MYO3A: variants seen among roughly 807,000 people sequenced by gnomAD.
MYO3A encodes the protein myosin IIIA, also known as myosin-IIIa.
Under a neutral mutation model 192.7 loss-of-function variants are expected in MYO3A, and 180 were observed. That is an observed-to-expected ratio of 0.93 (90% CI 0.83 to 1.06). The LOEUF (loss-of-function observed/expected upper bound fraction) is 1.06. Among genes scored for constraint, MYO3A ranks in the 50% least tolerant of loss-of-function variants. The probability of loss-of-function intolerance (pLI) is 0.00; values close to 1 mark genes in which losing one functional copy is unlikely to be tolerated. For synonymous variants in MYO3A, 628 were observed against 645.3 expected (o/e 0.97, Z 0.41); for missense variants, 1,896 against 1,905.0 (o/e 1.00, Z 0.09).
At position 26,068,844 on chromosome 10, in the gene MYO3A, C is replaced by A; in HGVS notation, c.1130C>A (p.Ala377Asp). 1.3e-6 allele frequency: 2 copies of A among 1,599,026 alleles called. No homozygotes were observed. The highest frequency in any genetic ancestry group is 4.5e-5 in the East Asian group (2 of 44,748). ...IYVYVGDILI[A>D]LNPFQSLGLY... is the part of the protein sequence containing the mutation. ...GTCTATGTGGGAGACATACTCATTG[C>A]TCTTAACCCTTTTCAGAGTCTGGGT... Residue 377 changes from alanine (A) to aspartate (D), a missense_variant, in exon 12 of 35, where the codon GCT becomes GAT. Coordinates refer to ENST00000642920, the MANE Select transcript of MYO3A (RefSeq NM_017433.5).
intron 4 of MYO3A, among the ~76,000 whole-genome samples, chr10:25,962,455 T>G (rs1228464696): frequency 6.6e-6 from 1 of 152,152 alleles, no homozygotes; most frequent in Non-Finnish European, 1.5e-5. Context: ...TAATTTAGTT[T>G]TTTATAGAAC....
rs527723394 is a variant in MYO3A, at chr10:26,049,911, T to C, written c.954-17064T>C. Among the ~76,000 whole-genome samples, 6 of 152,062 alleles carry C rather than the reference T, an allele frequency of 3.9e-5. No homozygotes were observed. In the East Asian group the frequency reaches 9.7e-4, roughly 25 times the overall value. ...GGATGGTCTCGATCTCATGACCTCG[T>C]GATCCACCCACCTCAGCCTCCCAAA... On this transcript the variant is annotated intron_variant, in intron 10 of 34. Coordinates refer to ENST00000642920, the MANE Select transcript of MYO3A (RefSeq NM_017433.5).
At chr10:25,998,524 G>C (rs1045977353) in intron 6 of MYO3A, among the ~76,000 whole-genome samples, 4 of 152,084 alleles carry the variant, frequency 2.6e-5, no homozygotes, top group African/African-American at 2.4e-5. Flanking sequence ...TGAGCAATCT[G>C]TCTGGGTTAG....
intron 6 of MYO3A, among the ~76,000 whole-genome samples, chr10:26,011,543 G>A (rs1179967516): frequency 8.5e-5 from 13 of 152,082 alleles, no homozygotes; most frequent in Admixed American, 8.5e-4. Context: ...ATTCCTGTAA[G>A]CATACAACCC....
At chr10:26,180,507 A>G (rs1842570710) in intron 31 of MYO3A, among the ~76,000 whole-genome samples, 1 of 152,182 alleles carries the variant, frequency 6.6e-6, no homozygotes. Flanking sequence ...TTTCCAGTTA[A>G]TGCAATAAGA....
intron 4 of MYO3A, among the ~76,000 whole-genome samples, chr10:25,980,954 T>G (rs1234855926): frequency 1.3e-5 from 2 of 152,176 alleles, no homozygotes; most frequent in African/African-American, 2.4e-5. Context: ...CAGTATCGCA[T>G]AGAGTAGATT....
intron 26 of MYO3A, among the ~76,000 whole-genome samples, chr10:26,164,478 T>C (rs1475517735): frequency 6.6e-6 from 1 of 152,106 alleles, no homozygotes; most frequent in Admixed American, 6.5e-5. Context: ...AGTGATATAG[T>C]AGAGAAGCTT....
chr10:26,139,439 A>G (rs892206976), intron 20 of MYO3A, among the ~76,000 whole-genome samples: 3 of 152,080 alleles, frequency 2.0e-5, no homozygotes, highest in African/African-American at 4.8e-5. Context: ...GGGTTTCTCC[A>G]TGTTGGTCAG....
At position 26,121,732 on chromosome 10, in the gene MYO3A, C is replaced by T. The variant is rs531750957; in HGVS notation, c.1903+930C>T. Reference sequence around the variant, plus strand: ...TGCCACTGCACTCCAGCCTGGACGACGGAGCAAGACTCTGTCTCAAAACAC... The same window carrying T: ...TGCCACTGCACTCCAGCCTGGACGATGGAGCAAGACTCTGTCTCAAAACAC... On this transcript the variant is annotated intron_variant, in intron 18 of 34. Transcript: ENST00000642920. 1.4e-4 allele frequency among the ~76,000 whole-genome samples: 22 copies of T among 152,226 alleles called. No individual in the cohort carries two copies. The East Asian group carries it at 2.7e-3, about 19-fold the overall frequency.
chr10:25,938,672 A>G (rs946454428), intron 2 of MYO3A, among the ~76,000 whole-genome samples: 5 of 152,204 alleles, frequency 3.3e-5, no homozygotes, highest in Non-Finnish European at 5.9e-5. Context: ...AATATACATG[A>G]TGAATGTGTA....
chr10:26,176,293 C>CAAA (rs901523063), intron 30 of MYO3A, among the ~76,000 whole-genome samples: 85 of 93,420 alleles, frequency 9.1e-4, no homozygotes, highest in African/African-American at 3.2e-3. Flanking sequence ...GACTCCGTCT[C>CAAA]AAAAAAAAAA....
At chr10:25,935,394 T>G (rs569779195) in intron 1 of MYO3A, among the ~76,000 whole-genome samples, 1 of 152,326 alleles carries the variant, frequency 6.6e-6, no homozygotes, top group East Asian at 1.9e-4. Flanking sequence ...GTAATGCCAC[T>G]GAACCCTACA....
intron 17 of MYO3A, among the ~76,000 whole-genome samples, chr10:26,103,186 G>T (rs771911942): frequency 5.9e-5 from 9 of 152,218 alleles, no homozygotes; most frequent in Non-Finnish European, 1.2e-4. Context: ...AACCCTCCGG[G>T]CCATGTGTGG....
At chr10:26,025,885 T>C (rs1363609604) in intron 9 of MYO3A, among the ~76,000 whole-genome samples, 1 of 152,216 alleles carries the variant, frequency 6.6e-6, no homozygotes, top group Non-Finnish European at 1.5e-5. Context: ...CTTAGCTGAG[T>C]GGCCTTCTCA....
At chr10:26,094,770 C>T (rs138258230) in intron 15 of MYO3A, among the ~76,000 whole-genome samples, 139 of 152,282 alleles carry the variant, frequency 9.1e-4, no homozygotes, top group African/African-American at 3.2e-3. Flanking sequence ...TCCATCTACA[C>T]TGAGATTATA....
intron 6 of MYO3A, among the ~76,000 whole-genome samples, chr10:26,004,488 G>T (rs981621049): frequency 7.2e-6 from 1 of 139,050 alleles, no homozygotes; most frequent in Non-Finnish European, 1.6e-5. Flanking sequence ...ATGCATGTGA[G>T]TGTGTGTGTA....
At chr10:26,108,188 A>G (rs1030263612) in intron 17 of MYO3A, among the ~76,000 whole-genome samples, 4 of 152,316 alleles carry the variant, frequency 2.6e-5, no homozygotes, top group African/African-American at 9.6e-5. Flanking sequence ...GTGTGATAAA[A>G]GAAGATTTTA....
chr10:26,030,580 A>G (rs1842760587), intron 10 of MYO3A, among the ~76,000 whole-genome samples: 1 of 152,236 alleles, frequency 6.6e-6, no homozygotes, highest in African/African-American at 2.4e-5. Context: ...CTTGAAGATC[A>G]CGAAAAATAA....
intron 6 of MYO3A, among the ~76,000 whole-genome samples, chr10:26,015,738 C>G (rs1841949078): frequency 6.6e-6 from 1 of 152,116 alleles, no homozygotes; most frequent in Admixed American, 6.6e-5. Context: ...GGGCATGTGT[C>G]CTGTTTTTAA....
Sources: allele counts gnomAD v4.1 joint callset (sites outside exome capture counted in the v4.1 genomes callset), GRCh38; gene constraint gnomAD v4.1.1; transcripts MANE v1.5; gene names NCBI Gene and HGNC (gene_info 2026-07-23, HGNC 2026-07-21).